Variants in IQSEC1 observed in about 807,000 individuals in gnomAD.
IQSEC1 encodes IQ motif and Sec7 domain ArfGEF 1, also known as IQ motif and SEC7 domain-containing protein 1.
IQSEC1 carries 31 observed loss-of-function variants against 91.0 expected under a neutral mutation model. That is an observed-to-expected ratio of 0.34 (90% CI 0.26 to 0.46). The LOEUF (loss-of-function observed/expected upper bound fraction) is 0.46. IQSEC1 is among the 20% of genes least tolerant of loss of function. The pLI is 1.00. For synonymous variants in IQSEC1, 699 were observed against 662.6 expected (o/e 1.05, Z -0.84); for missense variants, 1,388 against 1,575.6 (o/e 0.88, Z 2.02).
chr3:13,046,832 C>T (rs776872518), intron 1 of IQSEC1, among the ~76,000 whole-genome samples: 22 of 152,212 alleles, frequency 1.4e-4, no homozygotes, highest in Non-Finnish European at 1.3e-4. Context: ...CGAACACAGC[C>T]CTCTAAGCCA....
intron 1 of IQSEC1, among the ~76,000 whole-genome samples, chr3:12,943,790 G>C (rs1374705322): frequency 1.3e-5 from 2 of 152,258 alleles, no homozygotes; most frequent in African/African-American, 2.4e-5. Flanking sequence ...AGGCGGCCTG[G>C]AGCAGAGGGC....
intron 2 of IQSEC1, among the ~76,000 whole-genome samples, chr3:13,161,312 A>T (rs986901493): frequency 8.6e-5 from 13 of 151,746 alleles, no homozygotes; most frequent in African/African-American, 2.9e-4. Context: ...GAAGCGGGGG[A>T]GGGCCGTGGT....
At chr3:13,053,269 G>A (rs1479985050) in intron 1 of IQSEC1, 1 of 572,584 alleles carries the variant, frequency 1.7e-6, no homozygotes, top group African/African-American at 1.9e-5. Context: ...ATCCTTGCTG[G>A]AGCATCTATG....
At chr3:13,128,541 A>T (rs1040573681) in intron 2 of IQSEC1, among the ~76,000 whole-genome samples, 6 of 152,148 alleles carry the variant, frequency 3.9e-5, no homozygotes, top group African/African-American at 1.4e-4. Flanking sequence ...TTATACATTG[A>T]TGGATTAGAT....
At chr3:12,904,808 A>G (rs764611670) in intron 12 of IQSEC1, among the ~76,000 whole-genome samples, 1 of 152,218 alleles carries the variant, frequency 6.6e-6, no homozygotes, top group Non-Finnish European at 1.5e-5. Flanking sequence ...TGGCTGGCCT[A>G]TAGCTTCTGA....
Position 13,103,156 on chromosome 3 carries a change from G to A in IQSEC1, c.303-55634C>T, listed in dbSNP as rs958820922. ...CCCTCCCTGGCCCATGTCCCCGGCT[G>A]GCCCCAGGCAGGTCAGTTCAGGGAA... On this transcript the variant is annotated intron_variant, in intron 2 of 15. Coordinates refer to the IQSEC1 transcript ENST00000648114. The surrounding 1 kb of genome is among the most constrained non-coding windows in gnomAD (Gnocchi z 4.1). Among the ~76,000 whole-genome samples the A allele has an allele frequency of 6.6e-6, 1 of 152,036 alleles. No individual in the cohort carries two copies. Among genetic ancestry groups the A allele is most frequent in the South Asian group, 2.1e-4 (1 of 4,820 alleles).
rs1047404625 is a variant in IQSEC1 at position 12,898,530 on chromosome 3, T to C, written c.*2453A>G. The C allele has an allele frequency of 3.3e-5, 5 of 152,160 alleles. No homozygotes were observed. Among genetic ancestry groups the C allele is most frequent in the Non-Finnish European group, 5.9e-5 (4 of 68,040 alleles). The allele number at this position is 152,160 out of a possible 1,614,324, so 9.4% of individuals were successfully genotyped here. A position where few individuals can be genotyped will look rare whatever the true frequency, so the allele number is the denominator to read the frequency against. On this transcript the variant is annotated 3_prime_UTR_variant, in exon 14 of 14. Transcript: ENST00000613206. The stretch of plus-strand genomic sequence containing the variant: ...GGCTGTGGAGCTTGCAGGATGGCGA[T>C]GGAGAGGGAGAGTTTCCTGAAAGCC...
chr3:13,096,324 A>G (rs1233306191), intron 2 of IQSEC1, among the ~76,000 whole-genome samples: 2 of 152,188 alleles, frequency 1.3e-5, no homozygotes, highest in Non-Finnish European at 2.9e-5. Context: ...CAGGCCTCTA[A>G]GTGATCTCAG....
chr3:13,049,829 C>T (rs748431381), intron 1 of IQSEC1, among the ~76,000 whole-genome samples: 3 of 152,180 alleles, frequency 2.0e-5, no homozygotes, highest in Non-Finnish European at 2.9e-5. Context: ...AACAGAGGTA[C>T]GGTCACACCC....
intron 2 of IQSEC1, among the ~76,000 whole-genome samples, chr3:13,120,158 A>C (rs1379518738): frequency 1.3e-5 from 2 of 152,202 alleles, no homozygotes; most frequent in Non-Finnish European, 2.9e-5. Context: ...ACAGAGCCAG[A>C]ACGCAGTCTG....
chr3:13,191,135 C>G (rs1198579548), intron 1 of IQSEC1, among the ~76,000 whole-genome samples: 1 of 152,224 alleles, frequency 6.6e-6, no homozygotes, highest in East Asian at 1.9e-4. Context: ...GCCGTGGATC[C>G]TCCCTCGATT....
At chr3:13,104,086 G>T (rs1706107000) in intron 2 of IQSEC1, among the ~76,000 whole-genome samples, 1 of 152,138 alleles carries the variant, frequency 6.6e-6, no homozygotes, top group South Asian at 2.1e-4. Flanking sequence ...TAGAGCTGTT[G>T]CTACTAATCG....
Position 13,282,944 on chromosome 3 carries a change from C to T in IQSEC1, c.39G>A (p.Glu13=), listed in dbSNP as rs1183560500. Among the ~76,000 whole-genome samples the T allele has an allele frequency of 6.8e-6, 1 of 147,170 alleles. No individual in the cohort carries two copies. The highest frequency in any genetic ancestry group is 2.4e-5 in the African/African-American group (1 of 41,034). Residue 13 remains glutamate (E), a synonymous_variant, in exon 1 of 16, where the codon GAG becomes GAA. Coordinates refer to the IQSEC1 transcript ENST00000648114. This position sits in a 1 kb window ranked among gnomAD's most constrained non-coding sequence, Gnocchi z 6.4. The stretch of plus-strand genomic sequence containing the variant: ...CGATCCGGGTCAGCTCCTGCAGGTA[C>T]TCGGCCGCCTGGCCGGGGGGCTCGG...
In IQSEC1 at chr3:13,215,195, C is replaced by T. The variant is rs561475350; in HGVS notation, c.273-51062G>A. ...ATGGAGGAAAATCAAACCAAGCCTCCGCCAGTGGGATGGAAAAGGTTTCCA... is the reference window on the plus strand; with the variant it reads ...ATGGAGGAAAATCAAACCAAGCCTCTGCCAGTGGGATGGAAAAGGTTTCCA... On this transcript the variant is annotated intron_variant, in intron 1 of 15. Coordinates refer to the IQSEC1 transcript ENST00000648114. Among the ~76,000 whole-genome samples, 11 of 152,144 alleles carry T rather than the reference C, an allele frequency of 7.2e-5. No homozygotes were observed. In the South Asian group the frequency reaches 2.1e-3, roughly 29 times the overall value.
chr3:13,120,564 G>A (rs1706406998), intron 2 of IQSEC1, among the ~76,000 whole-genome samples: 2 of 152,236 alleles, frequency 1.3e-5, no homozygotes, highest in Non-Finnish European at 2.9e-5. Context: ...CCCCGAGGAG[G>A]AGCTGCTCAC....
At chr3:13,002,798 G>A (rs1220480056) in intron 1 of IQSEC1, among the ~76,000 whole-genome samples, 1 of 152,158 alleles carries the variant, frequency 6.6e-6, no homozygotes, top group Non-Finnish European at 1.5e-5. Flanking sequence ...CCACCCACTA[G>A]GACAGCTAGA....
At position 12,901,492 on chromosome 3, in the gene IQSEC1, G is replaced by T; in HGVS notation, c.2836C>A (p.Arg946=). ...GSIISSPHMR[R]RATSTRECPS... ...CACTCTCGTGTTGATGTAGCTCTCC[G>T]GCGCATGTGAGGACTGCTAATGATG... Residue 946 remains arginine (R), a synonymous_variant, in exon 14 of 14, where the codon CGG becomes AGG. Coordinates refer to ENST00000613206, the MANE Select transcript of IQSEC1 (RefSeq NM_001134382.3). 6.5e-7 allele frequency: 1 copy of T among 1,549,996 alleles called. No homozygotes were observed. Among genetic ancestry groups the T allele is most frequent in the South Asian group, 1.2e-5 (1 of 84,062 alleles).
chr3:13,222,315 CT>C, intron 1 of IQSEC1, among the ~76,000 whole-genome samples: 1 of 152,328 alleles, frequency 6.6e-6, no homozygotes, highest in Non-Finnish European at 1.5e-5. Flanking sequence ...ACAGAACGCC[CT>C]TCCTTTTTAG....
intron 1 of IQSEC1, among the ~76,000 whole-genome samples, chr3:13,173,717 G>T (rs1272400474): frequency 6.6e-6 from 1 of 152,242 alleles, no homozygotes; most frequent in Non-Finnish European, 1.5e-5. Flanking sequence ...CCTTGGACAG[G>T]CCATCTCTCT....
Sources: gnomAD v4.1 joint callset for allele counts (sites outside exome capture counted in the v4.1 genomes callset) on GRCh38, gnomAD v4.1.1 for gene constraint, Gnocchi (gnomAD v3.1) non-coding constraint, MANE v1.5 for transcripts, NCBI Gene and HGNC (gene_info 2026-07-23, HGNC 2026-07-21) for gene names.